Variants in TLE2 observed in about 807,000 individuals in gnomAD.
The protein encoded by TLE2 is transducin-like enhancer protein 2.
In TLE2, 74 loss-of-function variants were observed where a neutral mutation model predicts 97.2. That is an observed-to-expected ratio of 0.76 (90% confidence interval 0.63 to 0.92). The LOEUF is 0.92. TLE2 is among the 40% of genes least tolerant of loss of function. TLE2 has a pLI of 0.00. For missense variants in TLE2, 1,038 were observed against 1,008.7 expected (o/e 1.03, Z -0.39); for synonymous variants, 499 against 432.1 (o/e 1.15, Z -1.92).
chr19:3,024,515 T>C (rs1466611764), intron 5 of TLE2, among the ~76,000 whole-genome samples: 1 of 143,228 alleles, frequency 7.0e-6, no homozygotes, highest in African/African-American at 2.6e-5. Context: ...CTGACGACCC[T>C]GGGACCTCCT....
chr19:3,041,998 G>GAACCCACCATTAGCCACGCGGGCC (rs2090106824), intron 1 of TLE2, among the ~76,000 whole-genome samples: 1 of 151,958 alleles, frequency 6.6e-6, no homozygotes, highest in Non-Finnish European at 1.5e-5. Context: ...TGCTGCGGGG[G>GAACCCACCATTAGCCACGCGGGCC]AACCCACCAT....
In TLE2 at chr19:3,029,164, G is replaced by T. The variant is rs1406112110; in HGVS notation, c.-260C>A. ...GGGCAGCGGCCGGGGCGGGAGCGCG[G>T]CGAGGGCGGCCGCGGCAGCCGGCGC... On this transcript the variant is annotated 5_prime_UTR_variant, in exon 1 of 20. Coordinates refer to ENST00000262953, the MANE Select transcript of TLE2 (RefSeq NM_003260.5). 3 of 846,724 alleles carry T rather than the reference G, an allele frequency of 3.5e-6. No homozygotes were observed. Among genetic ancestry groups the T allele is most frequent in the African/African-American group, 1.9e-5 (1 of 54,014 alleles). The allele number at this position is 846,724 out of a possible 1,614,324, so 52.5% of individuals were successfully genotyped here. A position where few individuals can be genotyped will look rare whatever the true frequency, so the allele number is the denominator to read the frequency against.
intron 10 of TLE2, 29 bp downstream of exon 10, chr19:3,014,541 C>A (rs761806753): frequency 1.3e-6 from 2 of 1,551,078 alleles, no homozygotes; most frequent in Non-Finnish European, 1.7e-6. Flanking sequence ...TGCCCAGAGT[C>A]GGGGAAGAGG....
chr19:2,998,237 A>ATGTGTGTGTGTGTGTGTGTGTGTGTG (rs56398458), intron 19 of TLE2, among the ~76,000 whole-genome samples: 2 of 121,422 alleles, frequency 1.6e-5, no homozygotes, highest in African/African-American at 7.1e-5. Flanking sequence ...CGCCCGGCCA[A>ATGTGTGTGTGTGTGTGTGTGTGTGTG]TGTGTGTGTG....
Position 2,997,938 on chromosome 19 carries a change from T to G in TLE2, c.2142A>C (p.Ser714=), listed in dbSNP as rs1227562063. 1 of 1,612,422 alleles carries G rather than the reference T, an allele frequency of 6.2e-7. No individual in the cohort carries two copies. The highest frequency in any genetic ancestry group is 2.2e-5 in the East Asian group (1 of 44,846). ...TTCTGGAGATGTCACAACTCAGGAC[T>G]GAGGACGACTCCTTGGACTGCCAAG... ...ASIFQSKESS[S]VLSCDISRNN... The change falls in exon 20 of 20, where the codon TCA becomes TCC. Residue 714 remains serine (S), a synonymous_variant. Coordinates refer to ENST00000262953, the MANE Select transcript of TLE2 (RefSeq NM_003260.5).
At position 3,040,128 on chromosome 19, in the gene TLE2, C is replaced by A. The variant is rs141030577; in HGVS notation, c.63+5598G>T. The stretch of plus-strand genomic sequence containing the variant: ...TCTGGTCATTGCAGCAACCCCATCA[C>A]CCACACCACGTGTAACCCCTCTGTA... On this transcript the variant is annotated intron_variant, in intron 1 of 18. Transcript: ENST00000426948. Among the ~76,000 whole-genome samples the A allele has an allele frequency of 3.4e-3, 511 of 152,244 alleles. 1 individual carries two copies. Among genetic ancestry groups the A allele is most frequent in the South Asian group, 0.011 (52 of 4,818 alleles).
intron 12 of TLE2, 57 bp downstream of exon 12, chr19:3,010,965 A>G: frequency 6.5e-7 from 1 of 1,549,902 alleles, no homozygotes; most frequent in Admixed American, 2.0e-5. Context: ...CCCTTTTCCT[A>G]GATCTCCCCA....
At chr19:3,029,316 C>T, upstream of TLE2, 1 of 190,392 alleles carries the variant, frequency 5.3e-6, no homozygotes, top group Non-Finnish European at 9.3e-6. Flanking sequence ...AAGGTGGCGC[C>T]GCCGCCCCCA....
upstream of TLE2, among the ~76,000 whole-genome samples, chr19:3,033,011 G>A (rs1413777056): frequency 2.0e-5 from 3 of 151,118 alleles, no homozygotes; most frequent in Non-Finnish European, 4.4e-5. Context: ...TCGGCTCACT[G>A]CAACCTCCGC....
chr19:3,004,202 G>A (rs147070656), intron 17 of TLE2, among the ~76,000 whole-genome samples: 2 of 152,306 alleles, frequency 1.3e-5, no homozygotes, highest in African/African-American at 4.8e-5. Flanking sequence ...TCTGTGTAAA[G>A]ACGCATTGGG....
intron 1 of TLE2, among the ~76,000 whole-genome samples, chr19:3,043,213 T>C (rs981990311): frequency 6.6e-6 from 1 of 151,770 alleles, no homozygotes; most frequent in Admixed American, 6.6e-5. Context: ...CCTGCGAGGC[T>C]CAAGCAATCC....
rs143557528 is a variant in TLE2, at chr19:3,014,015, G to A, written c.724-197C>T. 5.4e-4 allele frequency among the ~76,000 whole-genome samples: 80 copies of A among 148,580 alleles called. No homozygotes were observed. The South Asian group carries it at 8.9e-3, about 17-fold the overall frequency. ...TTTTTTTTTTTTTGAGTCTCGCTCC[G>A]TTACCCAGGCTGGAGTAATGGCCCA... On this transcript the variant is annotated intron_variant, in intron 10 of 19. Coordinates refer to ENST00000262953, the MANE Select transcript of TLE2 (RefSeq NM_003260.5).
upstream of TLE2, chr19:3,029,565 G>GGGGT: frequency 1.3e-6 from 1 of 742,548 alleles, no homozygotes; most frequent in Non-Finnish European, 1.6e-6. Context: ...GAGCGGGGGG[G>GGGGT]GGGGCTTGCG....
At chr19:3,035,201 G>A (rs1420869107) in intron 1 of TLE2, among the ~76,000 whole-genome samples, 1 of 152,174 alleles carries the variant, frequency 6.6e-6, no homozygotes, top group Non-Finnish European at 1.5e-5. Context: ...GGAATTTGGG[G>A]AGACTCTGCT....
At chr19:3,046,931 T>TCCTCC (rs1247386481), upstream of TLE2, among the ~76,000 whole-genome samples, 2 of 71,432 alleles carry the variant, frequency 2.8e-5, no homozygotes, top group African/African-American at 1.3e-4. Flanking sequence ...CCCCCTCCTC[T>TCCTCC]GCCTCCCCCT....
chr19:3,013,849 T>C (rs774632176), intron 10 of TLE2, 31 bp from the exon 11 acceptor site: 39 of 1,471,366 alleles, frequency 2.7e-5, no homozygotes, highest in Non-Finnish European at 3.4e-5. Context: ...TTGAGCAGAG[T>C]TGAAATGAGA....
intron 1 of TLE2, chr19:3,045,706 C>G (rs1275723194): frequency 4.6e-6 from 2 of 438,246 alleles, no homozygotes; most frequent in African/African-American, 4.0e-5. Context: ...TGGCGGGCGC[C>G]TGTAATCCCA....
rs926297564 is a variant in TLE2 at position 2,997,687 on chromosome 19, G to A, written c.*161C>T. On this transcript the variant is annotated 3_prime_UTR_variant, in exon 20 of 20. Transcript: ENST00000262953. ...TTTCCACCGAGGTCCCCTGCCCATCGGCCCCCACATGCAGCAGGGGAAGGT... is the reference window on the plus strand; with the variant it reads ...TTTCCACCGAGGTCCCCTGCCCATCAGCCCCCACATGCAGCAGGGGAAGGT... 6 of 593,728 alleles carry A rather than the reference G, an allele frequency of 1.0e-5. No individual in the cohort carries two copies. The highest frequency in any genetic ancestry group is 5.6e-5 in the African/African-American group (3 of 53,936). 36.8% of individuals were successfully genotyped at this position (593,728 alleles called of 1,614,324 possible).
intron 1 of TLE2, among the ~76,000 whole-genome samples, chr19:3,042,791 CTCGGAAG>C (rs1476632344): frequency 6.6e-6 from 1 of 152,102 alleles, no homozygotes; most frequent in African/African-American, 2.4e-5. Flanking sequence ...CCAGTACTAG[CTCGGAAG>C]TCGGTTTCAT....
Sources: gnomAD v4.1 joint callset for allele counts (sites outside exome capture counted in the v4.1 genomes callset) on GRCh38, gnomAD v4.1.1 for gene constraint, MANE v1.5 for transcripts, NCBI Gene and HGNC (gene_info 2026-07-23, HGNC 2026-07-21) for gene names.